Variants in NLGN1 observed in about 807,000 individuals in gnomAD.
NLGN1 encodes the protein neuroligin-1.
Under a neutral mutation model 65.5 loss-of-function variants are expected in NLGN1, and 12 were observed. That is an observed-to-expected ratio of 0.18 (90% CI 0.12 to 0.30). The LOEUF is 0.30. Ranked by LOEUF, NLGN1 falls within the 10% of genes least tolerant of loss-of-function variation. The pLI is 1.00. For missense variants in NLGN1, 750 were observed against 1,007.1 expected (o/e 0.74, Z 3.46); for synonymous variants, 350 against 359.5 (o/e 0.97, Z 0.30).
chr3:173,679,821 T>C (rs2149779529), intron 3 of NLGN1, among the ~76,000 whole-genome samples: 1 of 152,268 alleles, frequency 6.6e-6, no homozygotes, highest in Admixed American at 6.5e-5. Context: ...AAACCTACTG[T>C]ATGTGCTTAT....
rs547116176 is a variant in NLGN1 at position 173,964,333 on chromosome 3, C to T, written c.646+156501C>T. ...TTACCATACTGAAATTACACATTGT[C>T]CGTGATAGAAAGGTCCTTAGGGTTA... On this transcript the variant is annotated intron_variant, in intron 4 of 6. Transcript: ENST00000457714. Among the ~76,000 whole-genome samples the T allele has an allele frequency of 2.0e-5, 3 of 152,234 alleles. No individual in the cohort carries two copies. The South Asian group carries it at 6.2e-4, about 32-fold the overall frequency.
intron 2 of NLGN1, among the ~76,000 whole-genome samples, chr3:173,584,042 A>G (rs987119646): frequency 6.6e-6 from 1 of 151,774 alleles, no homozygotes; most frequent in African/African-American, 2.4e-5. Flanking sequence ...CATTTTAGCT[A>G]CTAACTGCCA....
intron 2 of NLGN1, among the ~76,000 whole-genome samples, chr3:173,551,311 G>T (rs964449882): frequency 3.3e-5 from 5 of 152,158 alleles, no homozygotes; most frequent in African/African-American, 1.2e-4. Flanking sequence ...AACTAAAGCA[G>T]CTCGATGTGT....
intron 2 of NLGN1, among the ~76,000 whole-genome samples, chr3:173,490,494 T>A (rs914280751): frequency 2.0e-5 from 3 of 152,186 alleles, no homozygotes; most frequent in Non-Finnish European, 4.4e-5. Context: ...TTGGTTACTG[T>A]AGCCTTGTAG....
intron 4 of NLGN1, among the ~76,000 whole-genome samples, chr3:173,961,205 T>C (rs966573372): frequency 2.6e-5 from 4 of 152,132 alleles, no homozygotes; most frequent in Non-Finnish European, 5.9e-5. Flanking sequence ...CCAGCCCATC[T>C]CTTGACCTCC....
At chr3:173,429,220 T>G (rs1013912899) in intron 1 of NLGN1, among the ~76,000 whole-genome samples, 5 of 152,184 alleles carry the variant, frequency 3.3e-5, no homozygotes, top group African/African-American at 1.2e-4. Flanking sequence ...CTGTGTATTT[T>G]CAAACAGCCT....
intron 4 of NLGN1, among the ~76,000 whole-genome samples, chr3:174,013,474 G>A (rs747292031): frequency 6.6e-6 from 1 of 152,146 alleles, no homozygotes; most frequent in Non-Finnish European, 1.5e-5. Flanking sequence ...AAGCAGTTAT[G>A]TCAGTAAGTG....
chr3:173,435,666 C>G (rs1717997292), intron 2 of NLGN1, among the ~76,000 whole-genome samples: 2 of 152,098 alleles, frequency 1.3e-5, no homozygotes, highest in Admixed American at 6.6e-5. Flanking sequence ...GAAACCTTAT[C>G]TCTACTAAAA....
rs78650893 is a variant in NLGN1 at position 174,078,282 on chromosome 3, C to A, written c.647-197033C>A. On this transcript the variant is annotated intron_variant, in intron 4 of 6. Transcript: ENST00000457714. ...CTTTTGGAGAGATGTTTGAAAACAT[C>A]CCATTTCATTATGTCAATGTAGTTC... Among the ~76,000 whole-genome samples, 6 of 152,200 alleles carry A rather than the reference C, an allele frequency of 3.9e-5. No homozygotes were observed. In the East Asian group the frequency reaches 7.8e-4, roughly 20 times the overall value.
In NLGN1 at chr3:174,075,987, A is replaced by G. The variant is rs576776632; in HGVS notation, c.647-199328A>G. On this transcript the variant is annotated intron_variant, in intron 4 of 6. Coordinates refer to ENST00000457714, the Ensembl canonical transcript of NLGN1. ...TGACTAAGTAATTAAACTAGGCGAC[A>G]TCACTTTATTTTACATATGTCTGCC... Among the ~76,000 whole-genome samples, 473 of 152,292 alleles carry G rather than the reference A, an allele frequency of 3.1e-3. 1 individual carries two copies. The highest frequency in any genetic ancestry group is 0.011 in the African/African-American group (445 of 41,584).
At chr3:173,693,005 A>G (rs997623695) in intron 3 of NLGN1, among the ~76,000 whole-genome samples, 3 of 152,110 alleles carry the variant, frequency 2.0e-5, no homozygotes, top group Non-Finnish European at 2.9e-5. Flanking sequence ...GCTATTTTGC[A>G]TGGTTCAAAT....
chr3:173,995,122 A>G (rs1175066979), intron 4 of NLGN1, among the ~76,000 whole-genome samples: 1 of 152,212 alleles, frequency 6.6e-6, no homozygotes, highest in African/African-American at 2.4e-5. Flanking sequence ...GTTTGCTTGC[A>G]TATGAGAGAA....
chr3:173,731,783 T>C (rs1371660089), intron 3 of NLGN1, among the ~76,000 whole-genome samples: 1 of 152,058 alleles, frequency 6.6e-6, no homozygotes, highest in Admixed American at 6.6e-5. Flanking sequence ...AATATAAATA[T>C]ATAAAGGAGA....
chr3:174,032,363 C>G (rs1278327613), intron 4 of NLGN1, among the ~76,000 whole-genome samples: 3 of 152,140 alleles, frequency 2.0e-5, no homozygotes, highest in Non-Finnish European at 2.9e-5. Context: ...ATCACAAAAT[C>G]TGGGGATGGG....
intron 4 of NLGN1, among the ~76,000 whole-genome samples, chr3:174,017,980 G>A (rs550860388): frequency 4.6e-5 from 7 of 152,166 alleles, no homozygotes; most frequent in Non-Finnish European, 7.4e-5. Flanking sequence ...GGAGTGCTAC[G>A]GGAGACCGGG....
intron 4 of NLGN1, among the ~76,000 whole-genome samples, chr3:174,064,513 T>C (rs1738078858): frequency 6.6e-6 from 1 of 151,468 alleles, no homozygotes; most frequent in Admixed American, 6.6e-5. Flanking sequence ...ACTTAACCTC[T>C]CTATGCCTTA....
At position 173,669,205 on chromosome 3, in the gene NLGN1, A is replaced by C. The variant is rs73046491; in HGVS notation, c.493+64114A>C. Among the ~76,000 whole-genome samples, 728 of 152,328 alleles carry C rather than the reference A, an allele frequency of 4.8e-3. 8 individuals carry two copies. The highest frequency in any genetic ancestry group is 0.017 in the African/African-American group (699 of 41,588). ...TGAAGAGACAGTGAGACTTGTTAGGAAGGTGTTACATTTATTGGGTGTGTA... is the reference window on the plus strand; with the variant it reads ...TGAAGAGACAGTGAGACTTGTTAGGCAGGTGTTACATTTATTGGGTGTGTA... On this transcript the variant is annotated intron_variant, in intron 3 of 6. Coordinates refer to ENST00000457714, the Ensembl canonical transcript of NLGN1.
intron 4 of NLGN1, among the ~76,000 whole-genome samples, chr3:174,156,213 C>G (rs937167151): frequency 1.3e-5 from 2 of 151,830 alleles, no homozygotes; most frequent in Admixed American, 1.3e-4. Flanking sequence ...TAGATAGTGA[C>G]TTTAGGAATA....
intron 3 of NLGN1, among the ~76,000 whole-genome samples, chr3:173,709,073 A>G (rs1239287845): frequency 6.6e-6 from 1 of 152,214 alleles, no homozygotes; most frequent in Admixed American, 6.5e-5. Flanking sequence ...TTAGACACAG[A>G]CGTAAGTATA....
Sources: allele counts gnomAD v4.1 joint callset (sites outside exome capture counted in the v4.1 genomes callset), GRCh38; gene constraint gnomAD v4.1.1; transcripts MANE v1.5; gene names NCBI Gene and HGNC (gene_info 2026-07-23, HGNC 2026-07-21).